The following IDI2 variants were observed in gnomAD, a reference collection of about 807,000 sequenced individuals.
IDI2 encodes isopentenyl-diphosphate delta isomerase 2, also known as isopentenyl-diphosphate delta-isomerase 2.
Under a neutral mutation model 14.8 loss-of-function variants are expected in IDI2, and 18 were observed. That is an observed-to-expected ratio of 1.22 (90% CI 0.84 to 1.80). IDI2 has a LOEUF of 1.80. IDI2 is among the 40% of genes most tolerant of loss of function. The pLI, the probability that IDI2 is intolerant of heterozygous loss-of-function variation, is 0.00. For missense variants in IDI2, 316 were observed against 283.2 expected, an observed-to-expected ratio of 1.12 and a Z score of -0.83; for synonymous variants, 133 against 109.6, an observed-to-expected ratio of 1.21 and a Z score of -1.33.
chr10:1,022,821 T>A, intron 2 of IDI2, 46 bp from the exon 3 acceptor site: 1 of 1,390,258 alleles, frequency 7.2e-7, no homozygotes, highest in Non-Finnish European at 1.0e-6. Context: ...CTGGAGTCTG[T>A]ACGATTGTCC....
At chr10:1,023,943 A>G (rs570414322) in intron 2 of IDI2, among the ~76,000 whole-genome samples, 1 of 152,372 alleles carries the variant, frequency 6.6e-6, no homozygotes, top group Admixed American at 6.5e-5. Flanking sequence ...ATTAATATGC[A>G]TAATTATTAT....
rs116453469 is a variant in IDI2, at chr10:1,020,657, T to G, written c.366+110A>C. The G allele has an allele frequency of 3.2e-5, 36 of 1,126,264 alleles. No individual in the cohort carries two copies. In the African/African-American group the frequency reaches 5.3e-4, roughly 17 times the overall value. 69.8% of individuals were successfully genotyped at this position (1,126,264 alleles called of 1,614,324 possible). On this transcript the variant is annotated intron_variant, in intron 4 of 4. Coordinates refer to ENST00000277517, the MANE Select transcript of IDI2 (RefSeq NM_033261.3). Reference sequence around the variant, plus strand: ...TCCACAGCCCCATCCTTCATCCTCATGGTGCTTCATGAGGTCAATGGTGTA... The same window carrying G: ...TCCACAGCCCCATCCTTCATCCTCAGGGTGCTTCATGAGGTCAATGGTGTA...
intron 4 of IDI2, chr10:1,020,038 C>T: frequency 1.7e-6 from 1 of 586,004 alleles, no homozygotes; most frequent in South Asian, 2.1e-5. Context: ...TTTCTTGGTT[C>T]CAGTAAACCT....
intron 1 of IDI2, 77 bp from the exon 2 acceptor site, chr10:1,024,821 A>G: frequency 1.4e-6 from 2 of 1,412,172 alleles, no homozygotes; most frequent in South Asian, 1.3e-5. Flanking sequence ...TACCAACCAC[A>G]TTAGGATTTA....
At chr10:1,023,251 G>A (rs1045020465) in intron 2 of IDI2, among the ~76,000 whole-genome samples, 2 of 152,052 alleles carry the variant, frequency 1.3e-5, no homozygotes, top group Non-Finnish European at 1.5e-5. Flanking sequence ...TGAAGTGGGC[G>A]GATCACGAGG....
In IDI2 at chr10:1,019,547, A is replaced by G. The variant is rs773751824; in HGVS notation, c.654T>C (p.Phe218=). 1.9e-6 allele frequency: 3 copies of G among 1,613,582 alleles called. No homozygotes were observed. Among genetic ancestry groups the G allele is most frequent in the Non-Finnish European group, 2.5e-6 (3 of 1,179,700 alleles). Residue 218 remains phenylalanine (F), a synonymous_variant, in exon 5 of 5, where the codon TTT becomes TTC. Coordinates refer to ENST00000277517, the MANE Select transcript of IDI2 (RefSeq NM_033261.3). ...CTCTGTGTATTTTGTGAAGCTCCAC[A>G]AACGGGGTCACGTCATCCAGGTGAG... is the stretch of plus-strand genomic sequence containing the variant. ...WWPHLDDVTP[F]VELHKIHRV is the part of the protein sequence containing the mutation.
Position 1,020,894 on chromosome 10 carries a change from T to TA in IDI2, c.238dup (p.Tyr80LeufsTer7), listed in dbSNP as rs1438341793. On this transcript the variant is annotated frameshift_variant, in exon 4 of 5. Transcript: ENST00000277517. LOFTEE classifies it high-confidence loss of function. ...GTGGCTACTACAGGAGTCGGTAAAA[T>TA]ACCCTGGAAAAAATGCATGTGGGAA... 8.1e-6 allele frequency: 13 copies of TA among 1,608,452 alleles called. No individual in the cohort carries two copies. The Admixed American group carries it at 1.4e-4, about 17-fold the overall frequency.
In IDI2 at chr10:1,024,612, TC is replaced by T; in HGVS notation, c.111del (p.Asn38IlefsTer4). Reference protein sequence around the residue: ...NDKVIGADTKRNCHLNENIEK... With the variant: ...NDKVIGADTKXNCHLNENIEK... ...TCAATGTTTTCGTTCAGATGGCAAT[TC>T]CTCTTGGTGTCGGCACCAATAACCT... On this transcript the variant is annotated frameshift_variant, in exon 2 of 5. Coordinates refer to ENST00000277517, the MANE Select transcript of IDI2 (RefSeq NM_033261.3). LOFTEE classifies it high-confidence loss of function. 6.2e-7 allele frequency: 1 copy of T among 1,613,986 alleles called. No individual in the cohort carries two copies. Among genetic ancestry groups the T allele is most frequent in the East Asian group, 2.2e-5 (1 of 44,880 alleles).
In IDI2 at chr10:1,019,759, C is replaced by T; in HGVS notation, c.442G>A (p.Glu148Lys). ...AKSDRIWGEH[E>K]ICYLLLVRKN... ...CTCACAAGCAGAAGGTAACAAATTT[C>T]ATGCTCTCCCCAAATTCTGTCTGAT... is the stretch of plus-strand genomic sequence containing the variant. The change falls in exon 5 of 5, where the codon GAA (glutamate) becomes AAA (lysine). Residue 148 changes from glutamate to lysine, a missense_variant. Coordinates refer to ENST00000277517, the MANE Select transcript of IDI2 (RefSeq NM_033261.3). The T allele has an allele frequency of 6.2e-7, 1 of 1,614,068 alleles. No individual in the cohort carries two copies. Among genetic ancestry groups the T allele is most frequent in the Non-Finnish European group, 8.5e-7 (1 of 1,179,996 alleles).
chr10:1,021,852 G>A (rs951933422), intron 3 of IDI2, among the ~76,000 whole-genome samples: 5 of 152,230 alleles, frequency 3.3e-5, no homozygotes, highest in African/African-American at 1.2e-4. Flanking sequence ...ACAGCTGGCC[G>A]TGCTTAGCCA....
rs748167232 is a variant in IDI2 at position 1,024,738 on chromosome 10, A to C, written c.-15T>G. On this transcript the variant is annotated 5_prime_UTR_variant, in exon 2 of 5. Coordinates refer to ENST00000277517, the MANE Select transcript of IDI2 (RefSeq NM_033261.3). ...ATGTCAGACATAGCTGCTGGCTGTGACCCGACCTGAAATAGATGCACACAA... is the reference window on the plus strand; with the variant it reads ...ATGTCAGACATAGCTGCTGGCTGTGCCCCGACCTGAAATAGATGCACACAA... 25 of 1,613,756 alleles carry C rather than the reference A, an allele frequency of 1.5e-5. No homozygotes were observed. Among genetic ancestry groups the C allele is most frequent in the Non-Finnish European group, 1.9e-5 (23 of 1,179,914 alleles).
At chr10:1,023,978 T>C (rs1439915906) in intron 2 of IDI2, among the ~76,000 whole-genome samples, 2 of 152,056 alleles carry the variant, frequency 1.3e-5, no homozygotes, top group African/African-American at 2.4e-5. Context: ...GACACAAAAA[T>C]GAAAATTAAA....
In IDI2 at chr10:1,019,539, A is replaced by G. The variant is rs772702258; in HGVS notation, c.662T>C (p.Leu221Pro). 6.2e-7 allele frequency: 1 copy of G among 1,612,972 alleles called. No homozygotes were observed. The highest frequency in any genetic ancestry group is 2.2e-5 in the East Asian group (1 of 44,800). Reference protein sequence around the residue: ...HLDDVTPFVELHKIHRV With the variant: ...HLDDVTPFVEPHKIHRV ...CTCTCACACTCTGTGTATTTTGTGA[A>G]GCTCCACAAACGGGGTCACGTCATC... is the stretch of plus-strand genomic sequence containing the variant. The change falls in exon 5 of 5, where the codon CTT becomes CCT. Residue 221 changes from leucine (L) to proline (P), a missense_variant. Physicochemically the swap from Leu to Pro is moderately conservative, Grantham distance 98. Transcript: ENST00000277517.
intron 3 of IDI2, among the ~76,000 whole-genome samples, chr10:1,022,302 A>G (rs1230828021): frequency 6.6e-6 from 1 of 152,156 alleles, no homozygotes; most frequent in African/African-American, 2.4e-5. Flanking sequence ...AAGAAGTACA[A>G]GATAATTAAA....
At position 1,024,691 on chromosome 10, in the gene IDI2, C is replaced by G; in HGVS notation, c.33G>C (p.Arg11Ser). 6.2e-7 allele frequency: 1 copy of G among 1,614,212 alleles called. No individual in the cohort carries two copies. The highest frequency in any genetic ancestry group is 1.1e-5 in the South Asian group (1 of 91,078). ...TTTCCTCCAAGCGCTGCAACTGACG[C>G]CTGTCAACCCAGTCAAGATTTATGT... MSDINLDWVD[R>S]RQLQRLEEML... Residue 11 changes from arginine (R) to serine (S), a missense_variant, in exon 2 of 5, where the codon AGG becomes AGC. By Grantham distance (110) the Arg-to-Ser change is moderately radical. Transcript: ENST00000277517.
chr10:1,020,155 G>A (rs1325793134), intron 4 of IDI2, among the ~76,000 whole-genome samples: 8 of 152,034 alleles, frequency 5.3e-5, no homozygotes, highest in Admixed American at 1.3e-4. Context: ...TCTCTTAAAC[G>A]TGTTCTTGAG....
Position 1,019,663 on chromosome 10 carries a change from A to G in IDI2, c.538T>C (p.Trp180Arg), listed in dbSNP as rs113442797. ...CTCGCCTCCCTCTCCAGCAGCTCCC[A>G]CAGCTCCTCCTGGGACAGGTAGAGG... ...SILYLSQEEL[W>R]ELLEREARGE... is the part of the protein sequence containing the mutation. Residue 180 changes from tryptophan to arginine, a missense_variant, in exon 5 of 5, where the codon TGG becomes CGG. Physicochemically the swap from Trp to Arg is moderately radical, Grantham distance 101. Transcript: ENST00000277517. 5.5e-4 allele frequency: 893 copies of G among 1,613,982 alleles called. 5 individuals are homozygous for G. The African/African-American group carries it at 0.01, about 18-fold the overall frequency.
intron 3 of IDI2, among the ~76,000 whole-genome samples, chr10:1,021,526 T>C (rs893330239): frequency 8.5e-5 from 13 of 152,206 alleles, no homozygotes; most frequent in Non-Finnish European, 1.3e-4. Context: ...TGCAAGGAGT[T>C]TGGCTGAAGT....
chr10:1,022,127 C>T (rs56190511), intron 3 of IDI2, among the ~76,000 whole-genome samples: 14,730 of 151,976 alleles, frequency 0.097, 764 homozygotes, highest in African/African-American at 0.13. Flanking sequence ...GGTGTGGTGG[C>T]GGGCGCCTGT....
Sources: allele counts gnomAD v4.1 joint callset (sites outside exome capture counted in the v4.1 genomes callset), GRCh38; gene constraint gnomAD v4.1.1; transcripts MANE v1.5; gene names NCBI Gene and HGNC (gene_info 2026-07-23, HGNC 2026-07-21).